The following SUZ12 variants were observed in gnomAD, a reference collection of about 807,000 sequenced individuals.
SUZ12 encodes polycomb protein SUZ12.
Under a neutral mutation model 87.3 loss-of-function variants are expected in SUZ12, and 17 were observed. That is an observed-to-expected ratio of 0.19 (90% CI 0.13 to 0.29). The LOEUF (loss-of-function observed/expected upper bound fraction) is 0.29. Ranked by LOEUF, SUZ12 falls within the 10% of genes least tolerant of loss-of-function variation. SUZ12 has a pLI of 1.00. For synonymous variants in SUZ12, 253 were observed against 312.4 expected, an observed-to-expected ratio of 0.81 and a Z score of 2.01; for missense variants, 526 against 912.2, an observed-to-expected ratio of 0.58 and a Z score of 5.45.
At chr17:31,966,338 G>A in intron 5 of SUZ12, 142 bp downstream of exon 5, 1 of 751,204 alleles carries the variant, frequency 1.3e-6, no homozygotes, top group South Asian at 1.7e-5. Context: ...TGAACTTTAA[G>A]GTATGAAGGC....
At chr17:31,965,160 A>G (rs1170198648) in intron 4 of SUZ12, among the ~76,000 whole-genome samples, 1 of 151,934 alleles carries the variant, frequency 6.6e-6, no homozygotes, top group African/African-American at 2.4e-5. Flanking sequence ...AAAAAAATAT[A>G]TATATATGCC....
chr17:31,991,190 G>A (rs527335599), intron 10 of SUZ12, among the ~76,000 whole-genome samples: 1 of 152,246 alleles, frequency 6.6e-6, no homozygotes, highest in Admixed American at 6.5e-5. Context: ...ATTGTGTGCA[G>A]GTGACAGTAA....
chr17:31,959,729 G>C (rs1279183799), intron 4 of SUZ12, among the ~76,000 whole-genome samples: 1 of 152,158 alleles, frequency 6.6e-6, no homozygotes, highest in Non-Finnish European at 1.5e-5. Context: ...TACTTCCTCT[G>C]TGGGATCTGG....
At chr17:31,947,553 A>G (rs1906706264) in intron 3 of SUZ12, 64 bp from the exon 4 acceptor site, 1 of 1,547,244 alleles carries the variant, frequency 6.5e-7, no homozygotes, top group African/African-American at 1.4e-5. Context: ...GAGTGACAAT[A>G]AAGTATAATT....
intron 10 of SUZ12, 103 bp downstream of exon 10, chr17:31,988,600 T>C (rs1909536413): frequency 1.7e-6 from 2 of 1,183,554 alleles, no homozygotes; most frequent in East Asian, 5.7e-5. Flanking sequence ...GATTCTTCTT[T>C]TTTTTTTTTT....
chr17:31,995,828 A>G (rs1214084556), intron 14 of SUZ12, 66 bp downstream of exon 14: 14 of 1,202,624 alleles, frequency 1.2e-5, no homozygotes, highest in Non-Finnish European at 1.5e-5. Context: ...ATTGCTTACT[A>G]TGAACTAGAC....
chr17:31,963,135 G>T (rs79656590), intron 4 of SUZ12, among the ~76,000 whole-genome samples: 22,766 of 143,144 alleles, frequency 0.16, no homozygotes, highest in African/African-American at 0.3. Context: ...GACTCCTGTT[G>T]TATACGATTA....
intron 10 of SUZ12, 151 bp from the exon 11 acceptor site, chr17:31,993,091 C>T (rs1179324988): frequency 9.6e-6 from 5 of 520,348 alleles, no homozygotes; most frequent in Middle Eastern, 5.2e-4. Flanking sequence ...ATTTTTCCTG[C>T]GATCATCAGT....
chr17:31,990,468 A>G (rs1331468783), intron 10 of SUZ12, among the ~76,000 whole-genome samples: 3 of 151,414 alleles, frequency 2.0e-5, no homozygotes, highest in Non-Finnish European at 2.9e-5. Flanking sequence ...GTTTGAAGCA[A>G]TTCTCCTGCC....
At chr17:31,948,579 ATTG>A (rs1415334992) in intron 4 of SUZ12, among the ~76,000 whole-genome samples, 1 of 152,092 alleles carries the variant, frequency 6.6e-6, no homozygotes, top group Non-Finnish European at 1.5e-5. Context: ...TTGTTTTCCC[ATTG>A]TTCTGTTGAC....
At chr17:31,963,484 T>G (rs1025440117) in intron 4 of SUZ12, among the ~76,000 whole-genome samples, 2 of 151,478 alleles carry the variant, frequency 1.3e-5, no homozygotes, top group African/African-American at 2.4e-5. Flanking sequence ...GTGGTGGTTC[T>G]TAGGTATTTT....
At chr17:31,946,835 GTTATAC>G (rs1382844023) in intron 3 of SUZ12, among the ~76,000 whole-genome samples, 6 of 152,098 alleles carry the variant, frequency 3.9e-5, no homozygotes, top group Non-Finnish European at 7.4e-5. Context: ...GCTTTGAGAA[GTTATAC>G]TTAAGTTTCT....
chr17:31,968,574 G>T (rs1001156750), intron 5 of SUZ12, among the ~76,000 whole-genome samples: 1 of 152,126 alleles, frequency 6.6e-6, no homozygotes, highest in Admixed American at 6.6e-5. Flanking sequence ...TCTCGTATTT[G>T]TATTAGCAGC....
At position 31,975,618 on chromosome 17, in the gene SUZ12, A is replaced by G. The variant is rs1442341116; in HGVS notation, c.728A>G (p.His243Arg). 2 of 1,614,090 alleles carry G rather than the reference A, an allele frequency of 1.2e-6. No individual in the cohort carries two copies. Among genetic ancestry groups the G allele is most frequent in the Non-Finnish European group, 8.5e-7 (1 of 1,179,986 alleles). ...AATGAATTTGAACCTAGTAACAGCC[A>G]TATGGTGAAGTCTTACTCGTTGCTA... ...SSNEFEPSNS[H>R]MVKSYSLLFR... is the part of the protein sequence containing the mutation. The change falls in exon 7 of 16, where the codon CAT becomes CGT. Residue 243 changes from histidine (H) to arginine (R), a missense_variant. This residue lies in a region of SUZ12 where 73 missense variants were observed against 133.8 expected (regional missense o/e 0.55). Transcript: ENST00000322652.
At chr17:31,987,410 G>T (rs1160461662) in intron 9 of SUZ12, among the ~76,000 whole-genome samples, 4 of 152,172 alleles carry the variant, frequency 2.6e-5, no homozygotes, top group African/African-American at 7.2e-5. Context: ...AAATTCTTGA[G>T]GATGGTTGAG....
At chr17:31,980,582 T>C (rs74808827) in intron 8 of SUZ12, among the ~76,000 whole-genome samples, 23,183 of 151,444 alleles carry the variant, frequency 0.15, 1,892 homozygotes, top group Admixed American at 0.22. Context: ...CCCGAGTAGC[T>C]GGGATTAAGG....
intron 12 of SUZ12, 57 bp from the exon 13 acceptor site, chr17:31,994,507 G>A: frequency 7.2e-7 from 1 of 1,396,612 alleles, no homozygotes; most frequent in Non-Finnish European, 9.4e-7. Context: ...AATTAAATTG[G>A]AGGGATATTT....
intron 5 of SUZ12, chr17:31,967,441 G>A (rs1161068012): frequency 6.6e-6 from 1 of 152,286 alleles, no homozygotes; most frequent in Non-Finnish European, 1.5e-5. Flanking sequence ...AAGGTCAGGA[G>A]ATCGAGACTA....
rs561217691 is a variant in SUZ12 at position 31,937,347 on chromosome 17, C to G, written c.101C>G (p.Ala34Gly). The change falls in exon 1 of 16, where the codon GCG becomes GGG. Residue 34 changes from alanine (A) to glycine (G), a missense_variant. By Grantham distance (60) the Ala-to-Gly change is moderately conservative. Transcript: ENST00000322652. ...GGGGGTTCGGCGGCGGTGGCGGCGG[C>G]GACGGCTTCGGGCGGCAAATCCGGC... is the stretch of plus-strand genomic sequence containing the variant. ...GFGGSAAVAA[A>G]TASGGKSGGG... The G allele has an allele frequency of 9.7e-5, 144 of 1,483,958 alleles. No individual in the cohort carries two copies. The East Asian group carries it at 4.0e-3, about 41-fold the overall frequency. 91.9% of individuals were successfully genotyped at this position (1,483,958 alleles called of 1,614,324 possible).
Sources: gnomAD v4.1 joint callset for allele counts (sites outside exome capture counted in the v4.1 genomes callset) on GRCh38, gnomAD v4.1.1 for gene constraint, gnomAD v4.1.1 regional missense constraint, MANE v1.5 for transcripts, NCBI Gene and HGNC (gene_info 2026-07-23, HGNC 2026-07-21) for gene names.